The following RUSC2 variants were observed in gnomAD, a reference collection of about 807,000 sequenced individuals.
RUSC2 encodes the protein RUN and SH3 domain containing 2.
A neutral mutation model predicts 122.2 loss-of-function variants in RUSC2; 34 were observed. The observed-to-expected ratio is 0.28, with a 90% CI of 0.21 to 0.37. RUSC2 has a LOEUF of 0.37. Ranked by LOEUF, RUSC2 falls within the 10% of genes least tolerant of loss-of-function variation. The pLI, the probability that RUSC2 is intolerant of heterozygous loss-of-function variation, is 1.00. For synonymous variants in RUSC2, 784 were observed against 790.0 expected, an observed-to-expected ratio of 0.99 and a Z score of 0.13; for missense variants, 1,747 against 1,952.4, an observed-to-expected ratio of 0.89 and a Z score of 1.98.
chr9:35,491,247 G>A (rs1380755596), intron 1 of RUSC2, among the ~76,000 whole-genome samples: 1 of 152,192 alleles, frequency 6.6e-6, no homozygotes, highest in East Asian at 1.9e-4. Context: ...ATGAAACAAT[G>A]GCTGGAAAGC....
intron 1 of RUSC2, among the ~76,000 whole-genome samples, chr9:35,494,887 T>G (rs1564239685): frequency 7.2e-6 from 1 of 139,706 alleles, no homozygotes; most frequent in African/African-American, 2.6e-5. Flanking sequence ...TTCCCTCTGT[T>G]TTCTTGTTTT....
intron 1 of RUSC2, among the ~76,000 whole-genome samples, chr9:35,543,552 G>A (rs966710287): frequency 3.9e-5 from 6 of 152,186 alleles, no homozygotes; most frequent in Non-Finnish European, 8.8e-5. Context: ...ATAGGCACTG[G>A]TAACAGTTTG....
Position 35,547,998 on chromosome 9 carries a change from C to T in RUSC2, c.1477C>T (p.Arg493Cys), listed in dbSNP as rs200060562. The T allele has an allele frequency of 6.8e-6, 11 of 1,613,932 alleles. No homozygotes were observed. The highest frequency in any genetic ancestry group is 2.7e-5 in the African/African-American group (2 of 74,948). The stretch of plus-strand genomic sequence containing the variant: ...TTCACCCCCCAACCTCAGCACTGGA[C>T]GTCAGCGCTCCCGCAGCTATGATCG... ...NTSPPNLSTG[R>C]QRSRSYDRSL... The change falls in exon 2 of 12, where the codon CGT becomes TGT. Residue 493 changes from arginine to cysteine, a missense_variant. Physicochemically the swap from Arg to Cys is radical, Grantham distance 180. Transcript: ENST00000361226. This position sits in a 1 kb window ranked among gnomAD's most constrained non-coding sequence, Gnocchi z 4.6.
intron 1 of RUSC2, among the ~76,000 whole-genome samples, chr9:35,524,658 T>C (rs539272650): frequency 9.2e-5 from 14 of 152,252 alleles, no homozygotes; most frequent in African/African-American, 3.4e-4. Context: ...TGTTTTCTGT[T>C]GGAGGCTGCC....
In RUSC2 at chr9:35,560,462, C is replaced by T. The variant is rs1563876624; in HGVS notation, c.3822C>T (p.Leu1274=). ...RGGQAGWWYQ[L]MQSSQVYIDG... ...GGCAGGCCGGCTGGTGGTACCAGCT[C>T]ATGCAGAGCTCCCAGGTCTACATCG... Residue 1274 remains leucine (L), a synonymous_variant, in exon 10 of 12, where the codon CTC becomes CTT. Coordinates refer to ENST00000361226, the MANE Select transcript of RUSC2 (RefSeq NM_014806.5). 1 of 1,614,212 alleles carries T rather than the reference C, an allele frequency of 6.2e-7. No homozygotes were observed. Among genetic ancestry groups the T allele is most frequent in the Non-Finnish European group, 8.5e-7 (1 of 1,180,018 alleles).
At chr9:35,496,522 TG>T (rs1820716877) in intron 1 of RUSC2, among the ~76,000 whole-genome samples, 1 of 152,176 alleles carries the variant, frequency 6.6e-6, no homozygotes, top group African/African-American at 2.4e-5. Flanking sequence ...AGGTGATGCA[TG>T]GGATCCATGC....
At chr9:35,537,427 G>A (rs1032917772) in intron 1 of RUSC2, among the ~76,000 whole-genome samples, 1 of 152,198 alleles carries the variant, frequency 6.6e-6, no homozygotes, top group African/African-American at 2.4e-5. Flanking sequence ...TCCTTGAGAT[G>A]ACCGCTAATG....
chr9:35,527,487 G>T (rs1339781343), intron 1 of RUSC2, among the ~76,000 whole-genome samples: 1 of 152,006 alleles, frequency 6.6e-6, no homozygotes, highest in Non-Finnish European at 1.5e-5. Flanking sequence ...TAATAATTAT[G>T]TTTCTAACTT....
rs549164757 is a variant in RUSC2, at chr9:35,561,471, A to G, written c.*89A>G. On this transcript the variant is annotated 3_prime_UTR_variant, in exon 12 of 12. Coordinates refer to ENST00000361226, the MANE Select transcript of RUSC2 (RefSeq NM_014806.5). ...CTTCCCAAGCCATTGGCTTGGCTGC[A>G]GAGTAGACTGAGAGCTGGGGCCACG... 3.2e-5 allele frequency: 36 copies of G among 1,134,228 alleles called. No individual in the cohort carries two copies. In the African/African-American group the frequency reaches 5.1e-4, roughly 16 times the overall value. The allele number at this position is 1,134,228 out of a possible 1,614,324, so 70.3% of individuals were successfully genotyped here.
rs1234611911 is a variant in RUSC2 at position 35,557,934 on chromosome 9, A to C, written c.3004A>C (p.Ile1002Leu). The change falls in exon 6 of 12, where the codon ATC (isoleucine) becomes CTC (leucine). Residue 1002 changes from isoleucine (I) to leucine (L), a missense_variant. By Grantham distance (5) the Ile-to-Leu change is conservative (BLOSUM62 2). Transcript: ENST00000361226. This position sits in a 1 kb window ranked among gnomAD's most constrained non-coding sequence, Gnocchi z 4.6. ...TGCAGGGCTGGTAAAAGCTGTTAAC[A>C]TCGCTGTGGACCTCATTGTGGCTCA... is the stretch of plus-strand genomic sequence containing the variant. ...QKKGLVKAVN[I>L]AVDLIVAHFG... 2 of 1,614,054 alleles carry C rather than the reference A, an allele frequency of 1.2e-6. No homozygotes were observed. The highest frequency in any genetic ancestry group is 2.7e-5 in the African/African-American group (2 of 74,914).
chr9:35,531,553 G>A (rs573014643), intron 1 of RUSC2, among the ~76,000 whole-genome samples: 1 of 152,308 alleles, frequency 6.6e-6, no homozygotes, highest in Non-Finnish European at 1.5e-5. Context: ...CTTTATCTGA[G>A]TCCCAGCTTA....
In RUSC2 at chr9:35,561,719, A is replaced by C. The variant is rs2131711412; in HGVS notation, c.*337A>C. 1.9e-6 allele frequency: 1 copy of C among 531,940 alleles called. No individual in the cohort carries two copies. Among genetic ancestry groups the C allele is most frequent in the Non-Finnish European group, 3.3e-6 (1 of 301,916 alleles). 33.0% of individuals were successfully genotyped at this position (531,940 alleles called of 1,614,324 possible). ...AGCCATCTACAGGGTTCCCTAGGCC[A>C]GGTGGAGATGAGGATGGGTAACAGT... On this transcript the variant is annotated 3_prime_UTR_variant, in exon 12 of 12. Coordinates refer to ENST00000361226, the MANE Select transcript of RUSC2 (RefSeq NM_014806.5).
chr9:35,507,986 T>C (rs1486420894), intron 1 of RUSC2: 1 of 153,690 alleles, frequency 6.5e-6, no homozygotes, highest in African/African-American at 2.4e-5. Context: ...GCAGCAGTCT[T>C]ACTATATTTC....
At chr9:35,504,168 T>G (rs1488968463) in intron 1 of RUSC2, among the ~76,000 whole-genome samples, 2 of 152,234 alleles carry the variant, frequency 1.3e-5, no homozygotes, top group Non-Finnish European at 2.9e-5. Context: ...GTGGAGTTAC[T>G]GAGTTAAATG....
At chr9:35,498,517 C>G (rs1428551448) in intron 1 of RUSC2, among the ~76,000 whole-genome samples, 1 of 148,968 alleles carries the variant, frequency 6.7e-6, no homozygotes, top group Non-Finnish European at 1.5e-5. Context: ...GAGATCATGC[C>G]ACTGCACTCA....
chr9:35,508,752 C>T (rs945160017), intron 1 of RUSC2, among the ~76,000 whole-genome samples: 7 of 152,162 alleles, frequency 4.6e-5, no homozygotes, highest in East Asian at 1.9e-4. Flanking sequence ...CAACCTATAG[C>T]GAAATTCTGG....
chr9:35,561,687 C>T lies in RUSC2; in HGVS notation c.*305C>T. 1.9e-6 allele frequency: 1 copy of T among 528,356 alleles called. No homozygotes were observed. The highest frequency in any genetic ancestry group is 3.3e-6 in the Non-Finnish European group (1 of 300,696). The allele number at this position is 528,356 out of a possible 1,614,324, so 32.7% of individuals were successfully genotyped here. A position where few individuals can be genotyped will look rare whatever the true frequency, so the allele number is the denominator to read the frequency against. On this transcript the variant is annotated 3_prime_UTR_variant, in exon 12 of 12. Coordinates refer to ENST00000361226, the MANE Select transcript of RUSC2 (RefSeq NM_014806.5). The stretch of plus-strand genomic sequence containing the variant: ...AGCAAGTCCCCCTGGAGGCGGGTGG[C>T]CCAGAAAGCCATCTACAGGGTTCCC...
chr9:35,517,873 T>C (rs1400821812), intron 1 of RUSC2, among the ~76,000 whole-genome samples: 1 of 152,198 alleles, frequency 6.6e-6, no homozygotes, highest in African/African-American at 2.4e-5. Flanking sequence ...ATTCTTTTTA[T>C]TTTTCAAATA....
chr9:35,507,074 A>G lies in RUSC2; in HGVS notation c.-93+16902A>G, dbSNP rs112210911. Among the ~76,000 whole-genome samples, 896 of 152,252 alleles carry G rather than the reference A, an allele frequency of 5.9e-3. 15 individuals carry two copies. The highest frequency in any genetic ancestry group is 0.021 in the African/African-American group (860 of 41,536). On this transcript the variant is annotated intron_variant, in intron 1 of 11. Transcript: ENST00000361226. ...TGAGGCTGCAGTGAGCTGTGATTAT[A>G]CCACTGCACTCTGGCCTGGGCAACA... is the stretch of plus-strand genomic sequence containing the variant.
Sources: gnomAD v4.1 joint callset for allele counts (sites outside exome capture counted in the v4.1 genomes callset) on GRCh38, gnomAD v4.1.1 for gene constraint, Gnocchi (gnomAD v3.1) non-coding constraint, MANE v1.5 for transcripts, NCBI Gene and HGNC (gene_info 2026-07-23, HGNC 2026-07-21) for gene names.